The following NTNG2 variants were observed in gnomAD, a reference collection of about 807,000 sequenced individuals.
The protein encoded by NTNG2 is netrin G2.
A neutral mutation model predicts 47.6 loss-of-function variants in NTNG2; 15 were observed. The observed-to-expected ratio is 0.32, with a 90% CI of 0.21 to 0.49. The LOEUF is 0.49. Ranked by LOEUF, NTNG2 falls within the 20% of genes least tolerant of loss-of-function variation. The probability of loss-of-function intolerance (pLI) is 0.99; values close to 1 mark genes in which losing one functional copy is unlikely to be tolerated. For missense variants in NTNG2, 578 were observed against 764.6 expected (o/e 0.76, Z 2.88); for synonymous variants, 307 against 324.6 (o/e 0.95, Z 0.58).
intron 2 of NTNG2, among the ~76,000 whole-genome samples, chr9:132,170,083 T>G (rs1051082045): frequency 2.0e-5 from 3 of 152,076 alleles, no homozygotes; most frequent in South Asian, 2.1e-4. Flanking sequence ...GTGCTACGTG[T>G]GTCCCAACAT....
chr9:132,191,770 C>T (rs1364776065), intron 2 of NTNG2, among the ~76,000 whole-genome samples: 1 of 152,148 alleles, frequency 6.6e-6, no homozygotes, highest in Non-Finnish European at 1.5e-5. Context: ...GACGGGGTTT[C>T]ACTGTGTTAG....
intron 3 of NTNG2, among the ~76,000 whole-genome samples, chr9:132,213,402 G>A (rs1375566655): frequency 2.0e-5 from 3 of 148,764 alleles, no homozygotes; most frequent in Non-Finnish European, 3.0e-5. Flanking sequence ...CACCAACCTT[G>A]AGGCCGTCCA....
chr9:132,220,849 G>A (rs551858201), intron 3 of NTNG2, among the ~76,000 whole-genome samples: 424 of 152,080 alleles, frequency 2.8e-3, no homozygotes, highest in Non-Finnish European at 3.7e-3. Context: ...TTCTTTTTAC[G>A]TGGGTCTCCC....
intron 3 of NTNG2, among the ~76,000 whole-genome samples, chr9:132,199,884 G>A (rs941440597): frequency 3.3e-5 from 5 of 152,150 alleles, no homozygotes; most frequent in African/African-American, 1.2e-4. Context: ...TTTGAGGAAG[G>A]CAAAAGACTG....
In NTNG2 at chr9:132,162,570, G is replaced by GAC. The variant is rs1491145779; in HGVS notation, c.-484+331_-484+332insAC. ...TGTGTGTGTGTGAGAGAGAGACAGA[G>GAC]TGTGTGTGTGTGTGTGTGTGTGTGT... On this transcript the variant is annotated intron_variant, in intron 1 of 7. Transcript: ENST00000393229. This position sits in a 1 kb window ranked among gnomAD's most constrained non-coding sequence, Gnocchi z 4.6. 1.2e-3 allele frequency among the ~76,000 whole-genome samples: 6 copies of GAC among 5,030 alleles called. No individual in the cohort carries two copies. The highest frequency in any genetic ancestry group is 5.4e-3 in the African/African-American group (6 of 1,114). 3.3% of individuals were successfully genotyped at this position (5,030 alleles called of 152,430 possible).
At chr9:132,173,802 CG>C (rs1267751592) in intron 2 of NTNG2, among the ~76,000 whole-genome samples, 1 of 140,208 alleles carries the variant, frequency 7.1e-6, no homozygotes, top group African/African-American at 2.7e-5. Context: ...GCGGATGAGA[CG>C]GACGGACGGA....
chr9:132,212,977 G>A (rs1028811604), intron 3 of NTNG2, among the ~76,000 whole-genome samples: 1 of 152,058 alleles, frequency 6.6e-6, no homozygotes, highest in Admixed American at 6.6e-5. Flanking sequence ...GTTTCATGAC[G>A]TCTTGACTCA....
At chr9:132,200,853 T>G (rs1564411799) in intron 3 of NTNG2, among the ~76,000 whole-genome samples, 2 of 152,236 alleles carry the variant, frequency 1.3e-5, no homozygotes, top group Non-Finnish European at 2.9e-5. Flanking sequence ...TAGGCACTGT[T>G]GTGGAACTGG....
At chr9:132,241,471 T>C in intron 7 of NTNG2, 1 of 323,192 alleles carries the variant, frequency 3.1e-6, no homozygotes. Flanking sequence ...TGGTGGGAAC[T>C]ACGAGAAAGA....
intron 2 of NTNG2, among the ~76,000 whole-genome samples, chr9:132,190,232 CAAAAAAAAAAAAAAA>C (rs58974463): frequency 4.3e-5 from 3 of 69,928 alleles, no homozygotes; most frequent in Admixed American, 1.8e-4. Context: ...GACTCCATCT[CAAAAAAAAAAAAAAA>C]AAAAAAAAAA....
chr9:132,200,383 G>C (rs1838654790), intron 3 of NTNG2, among the ~76,000 whole-genome samples: 1 of 152,232 alleles, frequency 6.6e-6, no homozygotes, highest in Admixed American at 6.5e-5. Flanking sequence ...TTCCTGACAA[G>C]TGGAAAAAGT....
In NTNG2 at chr9:132,225,916, G is replaced by A. The variant is rs142135792; in HGVS notation, c.858-933G>A. 2.0e-3 allele frequency among the ~76,000 whole-genome samples: 301 copies of A among 152,272 alleles called. 1 individual carries two copies. Among genetic ancestry groups the A allele is most frequent in the African/African-American group, 6.3e-3 (263 of 41,544 alleles). Reference sequence around the variant, plus strand: ...CTTGCGGATGGCATCCCCTGGTGTCGTTCAGGGTGATGCTCTGTCCTCTGT... The same window carrying A: ...CTTGCGGATGGCATCCCCTGGTGTCATTCAGGGTGATGCTCTGTCCTCTGT... On this transcript the variant is annotated intron_variant, in intron 3 of 7. Transcript: ENST00000393229.
intron 3 of NTNG2, among the ~76,000 whole-genome samples, chr9:132,207,498 C>T (rs951577011): frequency 6.6e-6 from 1 of 152,250 alleles, no homozygotes; most frequent in Non-Finnish European, 1.5e-5. Flanking sequence ...CGTGTCTCTT[C>T]CTACAGGGAC....
Position 132,208,855 on chromosome 9 carries a change from C to G in NTNG2, c.857+10246C>G, listed in dbSNP as rs1005350383. On this transcript the variant is annotated intron_variant, in intron 3 of 7. Transcript: ENST00000393229. This position sits in a 1 kb window ranked among gnomAD's most constrained non-coding sequence, Gnocchi z 4.0. ...ACCACAGCCTGGGCCCACAACAGCC[C>G]GTCTCTCCAAGAACTCCCGTCCCGA... Among the ~76,000 whole-genome samples the G allele has an allele frequency of 1.3e-4, 20 of 151,740 alleles. No individual in the cohort carries two copies. The highest frequency in any genetic ancestry group is 4.4e-4 in the African/African-American group (18 of 41,060).
In NTNG2 at chr9:132,240,950, C is replaced by T. The variant is rs761617116; in HGVS notation, c.1263C>T (p.Cys421=). The T allele has an allele frequency of 1.2e-6, 2 of 1,612,640 alleles. No homozygotes were observed. Among genetic ancestry groups the T allele is most frequent in the African/African-American group, 2.7e-5 (2 of 75,056 alleles). The change falls in exon 7 of 8, where the codon TGC becomes TGT. Residue 421 remains cysteine (C), a synonymous_variant. Coordinates refer to ENST00000393229, the MANE Select transcript of NTNG2 (RefSeq NM_032536.4). ...CNQIGSVHDR[C]NETGFCECRE... ...AGATAGGCTCCGTGCACGACCGGTGCAACGAGACCGGCTTCTGCGAGTGCC... is the reference window on the plus strand; with the variant it reads ...AGATAGGCTCCGTGCACGACCGGTGTAACGAGACCGGCTTCTGCGAGTGCC...
chr9:132,186,003 C>T (rs916870634), intron 2 of NTNG2, among the ~76,000 whole-genome samples: 2 of 152,192 alleles, frequency 1.3e-5, no homozygotes, highest in Non-Finnish European at 1.5e-5. Flanking sequence ...TAGCCTCACC[C>T]GGCCTCCCTC....
At chr9:132,225,229 CTTGTT>C (rs1840659187) in intron 3 of NTNG2, among the ~76,000 whole-genome samples, 1 of 55,656 alleles carries the variant, frequency 1.8e-5, no homozygotes, top group Admixed American at 2.1e-4. Context: ...TTTGTTTTGT[CTTGTT>C]TTGTTTTTGT....
At position 132,166,450 on chromosome 9, in the gene NTNG2, C is replaced by T; in HGVS notation, c.-382C>T. 9 of 278,310 alleles carry T rather than the reference C, an allele frequency of 3.2e-5. No individual in the cohort carries two copies. In the South Asian group the frequency reaches 3.9e-4, roughly 12 times the overall value. The allele number at this position is 278,310 out of a possible 1,614,324, so 17.2% of individuals were successfully genotyped here. A position where few individuals can be genotyped will look rare whatever the true frequency, so the allele number is the denominator to read the frequency against. ...GACAAAAATTAAAAGCAATCTGATC[C>T]AGCCTCATGCAGGATCCCTGCGGAT... On this transcript the variant is annotated 5_prime_UTR_variant, in exon 2 of 8. Coordinates refer to ENST00000393229, the MANE Select transcript of NTNG2 (RefSeq NM_032536.4).
chr9:132,172,722 ATTTTTT>A (rs35406789), intron 2 of NTNG2, among the ~76,000 whole-genome samples: 31 of 83,484 alleles, frequency 3.7e-4, no homozygotes, highest in East Asian at 2.6e-3. Context: ...TCAGGGCTGT[ATTTTTT>A]TTTTTTTTTT....
Sources: allele counts gnomAD v4.1 joint callset (sites outside exome capture counted in the v4.1 genomes callset), GRCh38; gene constraint gnomAD v4.1.1; non-coding constraint Gnocchi (gnomAD v3.1); transcripts MANE v1.5; gene names NCBI Gene and HGNC (gene_info 2026-07-23, HGNC 2026-07-21).